The following SPRED2 variants were observed in gnomAD, a reference collection of about 807,000 sequenced individuals.
The protein encoded by SPRED2 is sprouty related EVH1 domain containing 2, also known as sprouty-related, EVH1 domain-containing protein 2.
Under a neutral mutation model 43.0 loss-of-function variants are expected in SPRED2, and 47 were observed. That is an observed-to-expected ratio of 1.09 (90% CI 0.87 to 1.40). SPRED2 has a LOEUF of 1.40. Ranked by LOEUF, SPRED2 falls within the 40% of genes most tolerant of loss-of-function variation. SPRED2 has a pLI of 0.00. For synonymous variants in SPRED2, 225 were observed against 225.7 expected (o/e 1.00, Z 0.03); for missense variants, 561 against 586.4 (o/e 0.96, Z 0.45).
At chr2:65,383,082 C>T (rs916767000) in intron 1 of SPRED2, among the ~76,000 whole-genome samples, 5 of 152,246 alleles carry the variant, frequency 3.3e-5, no homozygotes, top group African/African-American at 1.2e-4. Context: ...AAGAGTCATA[C>T]AAGAAGGCTT....
chr2:65,430,859 T>G (rs1676665628), intron 1 of SPRED2, among the ~76,000 whole-genome samples: 1 of 137,158 alleles, frequency 7.3e-6, no homozygotes, highest in South Asian at 2.7e-4. Context: ...GGAGCGCGTC[T>G]TATTCACAAA....
intron 1 of SPRED2, among the ~76,000 whole-genome samples, chr2:65,409,472 T>C (rs145150457): frequency 6.6e-6 from 1 of 152,300 alleles, no homozygotes; most frequent in East Asian, 1.9e-4. Flanking sequence ...TAAAATTACA[T>C]ATGTGGCCTA....
intron 1 of SPRED2, among the ~76,000 whole-genome samples, chr2:65,362,370 C>T (rs188402052): frequency 0.022 from 3,362 of 152,030 alleles, 78 homozygotes; most frequent in Non-Finnish European, 0.03. Flanking sequence ...CCCGGGTTCA[C>T]GCCATTCTCC....
intron 1 of SPRED2, among the ~76,000 whole-genome samples, chr2:65,420,598 TC>T (rs1676400384): frequency 6.6e-6 from 1 of 152,246 alleles, no homozygotes; most frequent in African/African-American, 2.4e-5. Context: ...CCATCATTAT[TC>T]CAATTAAGGA....
At chr2:65,319,585 A>C (rs771736109) in intron 4 of SPRED2, among the ~76,000 whole-genome samples, 1 of 151,940 alleles carries the variant, frequency 6.6e-6, no homozygotes, top group Non-Finnish European at 1.5e-5. Flanking sequence ...CTTTCCCTTC[A>C]CTATGGATTC....
intron 2 of SPRED2, among the ~76,000 whole-genome samples, chr2:65,343,126 AG>A (rs1419837279): frequency 3.3e-5 from 5 of 152,342 alleles, no homozygotes; most frequent in Non-Finnish European, 5.9e-5. Flanking sequence ...GGCTGCTGTA[AG>A]GATACAATGA....
At position 65,325,554 on chromosome 2, in the gene SPRED2, C is replaced by T. The variant is rs906941388; in HGVS notation, c.438+6433G>A. 1.4e-4 allele frequency among the ~76,000 whole-genome samples: 21 copies of T among 152,230 alleles called. 1 individual carries two copies. The highest frequency in any genetic ancestry group is 4.8e-4 in the African/African-American group (20 of 41,532). ...ATGATTTCCAAGGTCTGTTTGAGCC[C>T]TAACAATTTCATGTGCAATGCCTCT... On this transcript the variant is annotated intron_variant, in intron 4 of 5. Transcript: ENST00000356388.
At chr2:65,366,457 CACAT>C in intron 1 of SPRED2, 1 of 886,272 alleles carries the variant, frequency 1.1e-6, no homozygotes, top group Non-Finnish European at 1.7e-6. Context: ...CAAATACAAA[CACAT>C]ACACACTGTG....
At chr2:65,404,409 A>C (rs1675975352) in intron 1 of SPRED2, among the ~76,000 whole-genome samples, 1 of 152,212 alleles carries the variant, frequency 6.6e-6, no homozygotes, top group African/African-American at 2.4e-5. Flanking sequence ...AGTATATACT[A>C]CTTGTCTATG....
At chr2:65,388,180 C>T (rs1410064007) in intron 1 of SPRED2, among the ~76,000 whole-genome samples, 8 of 152,314 alleles carry the variant, frequency 5.3e-5, no homozygotes, top group Non-Finnish European at 7.3e-5. Flanking sequence ...GCTGGGCCAG[C>T]GCCTCACCCA....
At chr2:65,389,729 T>C (rs1336526065) in intron 1 of SPRED2, among the ~76,000 whole-genome samples, 1 of 152,182 alleles carries the variant, frequency 6.6e-6, no homozygotes, top group African/African-American at 2.4e-5. Context: ...AGACAATAAC[T>C]AAAGGTATTT....
intron 4 of SPRED2, among the ~76,000 whole-genome samples, chr2:65,327,405 T>C (rs57584461): frequency 0.047 from 7,155 of 152,282 alleles, 558 homozygotes; most frequent in African/African-American, 0.16. Flanking sequence ...CAAAATGCCT[T>C]GGGGCTTCCT....
At chr2:65,366,689 GCTGAC>G in intron 1 of SPRED2, 1 of 1,536,576 alleles carries the variant, frequency 6.5e-7, no homozygotes, top group Non-Finnish European at 8.8e-7. Context: ...ATCGTCTCTT[GCTGAC>G]CTGAGAACCA....
chr2:65,345,235 C>T (rs993943894), intron 1 of SPRED2, among the ~76,000 whole-genome samples: 1 of 150,438 alleles, frequency 6.6e-6, no homozygotes, highest in African/African-American at 2.5e-5. Flanking sequence ...GAAAGACACA[C>T]ACCTATTTTG....
chr2:65,375,679 G>C (rs1675222406), intron 1 of SPRED2, among the ~76,000 whole-genome samples: 1 of 152,236 alleles, frequency 6.6e-6, no homozygotes, highest in African/African-American at 2.4e-5. Flanking sequence ...AGGTACATTT[G>C]TGGCAGAGCC....
intron 2 of SPRED2, among the ~76,000 whole-genome samples, chr2:65,335,427 A>G (rs1673936917): frequency 6.6e-6 from 1 of 152,202 alleles, no homozygotes; most frequent in Admixed American, 6.5e-5. Context: ...TAGCAATTTA[A>G]TCTCAGAACT....
At chr2:65,402,300 A>C (rs1373332694) in intron 1 of SPRED2, among the ~76,000 whole-genome samples, 11 of 151,414 alleles carry the variant, frequency 7.3e-5, no homozygotes, top group Middle Eastern at 6.8e-3. Context: ...AAAAAAAAAA[A>C]AAAAACCAAA....
chr2:65,332,341 A>G, intron 3 of SPRED2: 1 of 272,794 alleles, frequency 3.7e-6, no homozygotes, highest in East Asian at 9.7e-5. Context: ...GGAGGAGGTG[A>G]GGGGAGAGGC....
At chr2:65,338,834 A>C (rs1220948566) in intron 2 of SPRED2, among the ~76,000 whole-genome samples, 1 of 139,368 alleles carries the variant, frequency 7.2e-6, no homozygotes, top group Non-Finnish European at 1.6e-5. Flanking sequence ...CCCGGCCGCC[A>C]TCCCACCTGG....
Sources: allele counts gnomAD v4.1 joint callset (sites outside exome capture counted in the v4.1 genomes callset), GRCh38; gene constraint gnomAD v4.1.1; transcripts MANE v1.5; gene names NCBI Gene and HGNC (gene_info 2026-07-23, HGNC 2026-07-21).